The following ST18 variants were observed in gnomAD, a reference collection of about 807,000 sequenced individuals.
ST18 encodes ST18 C2H2C-type zinc finger transcription factor.
In ST18, 50 loss-of-function variants were observed where a neutral mutation model predicts 110.0. The observed-to-expected ratio is 0.45, with a 90% confidence interval of 0.36 to 0.58. The LOEUF (loss-of-function observed/expected upper bound fraction) is 0.58. Ranked by LOEUF, ST18 falls within the 20% of genes least tolerant of loss-of-function variation. The pLI, the probability that ST18 is intolerant of heterozygous loss-of-function variation, is 0.00. For missense variants in ST18, 1,306 were observed against 1,280.1 expected, an observed-to-expected ratio of 1.02 and a Z score of -0.31; for synonymous variants, 461 against 452.4, an observed-to-expected ratio of 1.02 and a Z score of -0.24.
intron 2 of ST18, among the ~76,000 whole-genome samples, chr8:52,398,398 A>G (rs1287740342): frequency 1.3e-5 from 2 of 152,172 alleles, no homozygotes; most frequent in East Asian, 1.9e-4. Context: ...GTCATTGGAT[A>G]CTTTCTATTT....
intron 2 of ST18, among the ~76,000 whole-genome samples, chr8:52,341,821 G>A (rs1340475004): frequency 6.6e-6 from 1 of 152,114 alleles, no homozygotes; most frequent in Non-Finnish European, 1.5e-5. Context: ...AGCAGCCTCT[G>A]CCCCTTAGGC....
At chr8:52,322,655 G>A (rs775519179) in intron 2 of ST18, among the ~76,000 whole-genome samples, 1 of 152,218 alleles carries the variant, frequency 6.6e-6, no homozygotes, top group Non-Finnish European at 1.5e-5. Context: ...TGATCATGAA[G>A]CTGTGTCTTG....
chr8:52,209,598 C>T (rs1466900379), intron 8 of ST18, among the ~76,000 whole-genome samples: 1 of 151,380 alleles, frequency 6.6e-6, no homozygotes, highest in Non-Finnish European at 1.5e-5. Context: ...ATGGAGAAAC[C>T]CGTCTCTACT....
At chr8:52,218,389 T>G (rs954662331) in intron 5 of ST18, among the ~76,000 whole-genome samples, 2 of 85,134 alleles carry the variant, frequency 2.3e-5, no homozygotes, top group South Asian at 5.9e-4. Context: ...TTTTTTTTTC[T>G]TTTTTTTTTT....
intron 12 of ST18, 55 bp from the exon 13 acceptor site, chr8:52,164,145 T>C (rs1408061301): frequency 4.1e-6 from 6 of 1,470,356 alleles, no homozygotes; most frequent in Non-Finnish European, 5.7e-6. Context: ...ATATGATTTG[T>C]TTTGGCATGT....
intron 23 of ST18, among the ~76,000 whole-genome samples, chr8:52,120,859 G>A (rs1176828772): frequency 1.3e-5 from 2 of 152,106 alleles, no homozygotes; most frequent in African/African-American, 4.8e-5. Flanking sequence ...AAGAGAAGGA[G>A]ACAGACTCAG....
intron 17 of ST18, among the ~76,000 whole-genome samples, chr8:52,140,437 G>A (rs2054497727): frequency 6.6e-6 from 1 of 152,104 alleles, no homozygotes; most frequent in Non-Finnish European, 1.5e-5. Flanking sequence ...GGTTGAGGTG[G>A]GAGATTGAAC....
intron 2 of ST18, among the ~76,000 whole-genome samples, chr8:52,343,829 A>T (rs995909128): frequency 1.3e-5 from 2 of 152,200 alleles, no homozygotes; most frequent in African/African-American, 4.8e-5. Flanking sequence ...TATTTTAAGT[A>T]CTTATTTATA....
At chr8:52,346,843 T>A (rs989369633) in intron 2 of ST18, among the ~76,000 whole-genome samples, 5 of 152,124 alleles carry the variant, frequency 3.3e-5, no homozygotes, top group Non-Finnish European at 5.9e-5. Flanking sequence ...AGTGGTATGA[T>A]TTTAGGAAAA....
chr8:52,346,498 TAG>T (rs1817853311), intron 2 of ST18, among the ~76,000 whole-genome samples: 1 of 152,122 alleles, frequency 6.6e-6, no homozygotes, highest in Admixed American at 6.5e-5. Context: ...ACAAGGCCCC[TAG>T]TGGGCAGCTC....
At chr8:52,189,383 C>G (rs1028193283) in intron 8 of ST18, among the ~76,000 whole-genome samples, 1 of 152,168 alleles carries the variant, frequency 6.6e-6, no homozygotes, top group African/African-American at 2.4e-5. Flanking sequence ...ATGGCCCACA[C>G]TAATCAGTGA....
At chr8:52,309,095 A>T (rs2095859054) in intron 2 of ST18, among the ~76,000 whole-genome samples, 1 of 152,194 alleles carries the variant, frequency 6.6e-6, no homozygotes, top group Non-Finnish European at 1.5e-5. Context: ...GACCTTATAT[A>T]AGGGTCGGTA....
At chr8:52,333,116 G>A (rs1810377430) in intron 2 of ST18, among the ~76,000 whole-genome samples, 1 of 151,886 alleles carries the variant, frequency 6.6e-6, no homozygotes, top group African/African-American at 2.4e-5. Context: ...TGGGCCAGAG[G>A]AGAGACTCAA....
At chr8:52,187,613 G>C (rs560658052) in intron 8 of ST18, among the ~76,000 whole-genome samples, 260 of 152,268 alleles carry the variant, frequency 1.7e-3, no homozygotes, top group African/African-American at 5.9e-3. Context: ...AAGGATAATA[G>C]ATCACTTTTT....
intron 2 of ST18, among the ~76,000 whole-genome samples, chr8:52,248,875 A>G (rs919916355): frequency 1.3e-5 from 2 of 152,204 alleles, no homozygotes; most frequent in Non-Finnish European, 2.9e-5. Context: ...TGCTGAAGGA[A>G]ATAGTTATTC....
At chr8:52,213,239 A>G (rs1243062483) in intron 7 of ST18, among the ~76,000 whole-genome samples, 2 of 152,214 alleles carry the variant, frequency 1.3e-5, no homozygotes, top group South Asian at 2.1e-4. Context: ...GTTATATTGT[A>G]ACTGAAAAAA....
At chr8:52,367,234 T>TCACACACA (rs1491543543) in intron 2 of ST18, among the ~76,000 whole-genome samples, 1,891 of 104,434 alleles carry the variant, frequency 0.018, 48 homozygotes, top group East Asian at 0.12. Context: ...CGGGACCCTG[T>TCACACACA]CTCACACACA....
intron 2 of ST18, among the ~76,000 whole-genome samples, chr8:52,390,839 T>G (rs1374886313): frequency 6.6e-6 from 1 of 152,044 alleles, no homozygotes; most frequent in Non-Finnish European, 1.5e-5. Context: ...AAACATTAGG[T>G]CCAAAGGCCA....
chr8:52,393,191 A>G (rs1353715545), intron 2 of ST18, among the ~76,000 whole-genome samples: 2 of 152,206 alleles, frequency 1.3e-5, no homozygotes, highest in Non-Finnish European at 2.9e-5. Context: ...TCTGTGGTAC[A>G]ATCCACACAT....
Sources: allele counts gnomAD v4.1 joint callset (sites outside exome capture counted in the v4.1 genomes callset), GRCh38; gene constraint gnomAD v4.1.1; transcripts MANE v1.5; gene names NCBI Gene and HGNC (gene_info 2026-07-23, HGNC 2026-07-21).